ISYNA1: variants seen among roughly 807,000 people sequenced by gnomAD.
The protein encoded by ISYNA1 is MI-1-P synthase.
In ISYNA1, 34 loss-of-function variants were observed where a neutral mutation model predicts 50.3. The ratio of observed to expected loss-of-function variants is 0.68; its 90% confidence interval spans 0.51 to 0.90. The LOEUF (loss-of-function observed/expected upper bound fraction) is 0.90, where lower values mean the gene tolerates loss of function less well. Among genes scored for constraint, ISYNA1 ranks in the 40% least tolerant of loss-of-function variants. The pLI is 0.00. For synonymous variants in ISYNA1, 396 were observed against 349.9 expected, an observed-to-expected ratio of 1.13 and a Z score of -1.47; for missense variants, 718 against 784.8, an observed-to-expected ratio of 0.91 and a Z score of 1.02.
rs768706951 is a variant in ISYNA1 at position 18,437,880 on chromosome 19, G to A, written c.100C>T (p.Arg34Cys). The A allele has an allele frequency of 6.2e-6, 10 of 1,612,002 alleles. No individual in the cohort carries two copies. The highest frequency in any genetic ancestry group is 6.8e-6 in the Non-Finnish European group (8 of 1,179,802). ...TCCACCTTGAGAACGCCACCCTCGC[G>A]GCTGACGCGCGTCGTCCGGTACTCG... ...QYEYRTTRVS[R>C]EGGVLKVHPT... Residue 34 changes from arginine (R) to cysteine (C), a missense_variant, in exon 2 of 11, where the codon CGC (arginine) becomes TGC (cysteine). Around this residue, in one of 3 missense-constraint regions of ISYNA1, gnomAD observed 403 missense variants for 466.6 expected, o/e 0.86. Coordinates refer to ENST00000338128, the MANE Select transcript of ISYNA1 (RefSeq NM_016368.5).
Position 18,435,837 on chromosome 19 carries a change from C to A in ISYNA1, c.1060G>T (p.Val354Leu), listed in dbSNP as rs762538626. ...TCGTCCACCACGTTGCTCTTGGACA[C>A]CTCCTTAGAGCGGAACTGCAATGGC... ...SAPLQFRSKE[V>L]SKSNVVDDMV... is the part of the protein sequence containing the mutation. Residue 354 changes from valine to leucine, a missense_variant, in exon 8 of 11, where the codon GTG becomes TTG. Val to Leu is a conservative substitution (Grantham distance 32, BLOSUM62 1). Coordinates refer to ENST00000338128, the MANE Select transcript of ISYNA1 (RefSeq NM_016368.5). 4 of 1,613,886 alleles carry A rather than the reference C, an allele frequency of 2.5e-6. No homozygotes were observed. In the African/African-American group the frequency reaches 5.3e-5, roughly 22 times the overall value.
chr19:18,435,988 C>T, intron 7 of ISYNA1, 44 bp downstream of exon 7: 2 of 1,612,670 alleles, frequency 1.2e-6, no homozygotes, highest in Non-Finnish European at 1.7e-6. Flanking sequence ...TGCTCGCGGC[C>T]CAGGCCCCCT....
intron 3 of ISYNA1, 92 bp from the exon 4 acceptor site, chr19:18,437,197 C>T: frequency 6.8e-7 from 1 of 1,466,034 alleles, no homozygotes; most frequent in Non-Finnish European, 9.0e-7. Context: ...CAAGCCCCGC[C>T]CCACTTTCGG....
In ISYNA1 at chr19:18,435,373, G is replaced by C. The variant is rs777569552; in HGVS notation, c.1365C>G (p.Pro455=). The C allele has an allele frequency of 1.2e-6, 2 of 1,611,350 alleles. No homozygotes were observed. The highest frequency in any genetic ancestry group is 1.7e-6 in the Non-Finnish European group (2 of 1,179,972). ...AGAGGAAGCTGAGCAGGGACAGCACGGGGTGGAAGGTCTGCGGCTCGGGGT... is the reference window on the plus strand; with the variant it reads ...AGAGGAAGCTGAGCAGGGACAGCACCGGGTGGAAGGTCTGCGGCTCGGGGT... ...DMDPEPQTFH[P]VLSLLSFLFK... is the part of the protein sequence containing the mutation. Residue 455 remains proline, a synonymous_variant, in exon 10 of 11, where the codon CCC becomes CCG. Transcript: ENST00000338128.
chr19:18,437,280 C>A, intron 3 of ISYNA1, 175 bp from the exon 4 acceptor site: 1 of 1,424,510 alleles, frequency 7.0e-7, no homozygotes, highest in South Asian at 1.5e-5. Flanking sequence ...AGACCTCCGG[C>A]ACCTTAAGCT....
rs762311401 is a variant in ISYNA1 at position 18,436,754 on chromosome 19, A to T, written c.539T>A (p.Ile180Asn). Residue 180 changes from isoleucine (I) to asparagine (N), a missense_variant, in exon 5 of 11, where the codon ATC (isoleucine) becomes AAC (asparagine). Coordinates refer to ENST00000338128, the MANE Select transcript of ISYNA1 (RefSeq NM_016368.5). ...EALRPRPSVY[I>N]PEFIAANQSA... ...CTGGTTGGCCGCGATGAATTCGGGG[A>T]TGTAAACAGAAGGCCGGGGCCGCAG... 1.3e-6 allele frequency: 2 copies of T among 1,574,544 alleles called. No homozygotes were observed. Among genetic ancestry groups the T allele is most frequent in the African/African-American group, 2.7e-5 (2 of 73,362 alleles).
At position 18,435,089 on chromosome 19, in the gene ISYNA1, G is replaced by A. The variant is rs1973908205; in HGVS notation, c.1501C>T (p.His501Tyr). ...RACVGLPPQN[H>Y]MLLEHKMERP... ...TCCATTTTGTGTTCCAGGAGCATGT[G>A]GTTCTGTGGCGGGAGCCCCACGCAG... Residue 501 changes from histidine to tyrosine, a missense_variant, in exon 11 of 11, where the codon CAC (histidine) becomes TAC (tyrosine). By Grantham distance (83) the His-to-Tyr change is moderately conservative. Coordinates refer to ENST00000338128, the MANE Select transcript of ISYNA1 (RefSeq NM_016368.5). The A allele has an allele frequency of 1.2e-6, 2 of 1,613,554 alleles. No individual in the cohort carries two copies. The highest frequency in any genetic ancestry group is 2.7e-5 in the African/African-American group (2 of 75,008).
In ISYNA1 at chr19:18,434,727, G is replaced by A. The variant is rs908933486; in HGVS notation, c.*186C>T. Reference sequence around the variant, plus strand: ...GTTGGGGTGATGACCATGGGCAGAGGGGATGGGACTGAAGCTGGGCGCTCA... The same window carrying A: ...GTTGGGGTGATGACCATGGGCAGAGAGGATGGGACTGAAGCTGGGCGCTCA... On this transcript the variant is annotated 3_prime_UTR_variant, in exon 11 of 11. Coordinates refer to ENST00000338128, the MANE Select transcript of ISYNA1 (RefSeq NM_016368.5). The A allele has an allele frequency of 8.2e-6, 5 of 607,600 alleles. No homozygotes were observed. Among genetic ancestry groups the A allele is most frequent in the African/African-American group, 5.6e-5 (3 of 53,970 alleles). 37.6% of individuals were successfully genotyped at this position (607,600 alleles called of 1,614,324 possible).
rs570793925 is a variant in ISYNA1, at chr19:18,435,032, G to C, written c.1558C>G (p.Pro520Ala). 6.2e-7 allele frequency: 1 copy of C among 1,613,600 alleles called. No homozygotes were observed. The change falls in exon 11 of 11, where the codon CCC becomes GCC. Residue 520 changes from proline to alanine, a missense_variant. By Grantham distance (27) the Pro-to-Ala change is conservative. Coordinates refer to ENST00000338128, the MANE Select transcript of ISYNA1 (RefSeq NM_016368.5). ...AACATAGGGTAGGTGGCAGCCACGG[G>C]TCCAACTCGCTTGAGGCTGGGCCCT... ...RPGPSLKRVG[P>A]VAATYPMLNK... is the part of the protein sequence containing the mutation.
rs1383237721 is a variant in ISYNA1, at chr19:18,436,789, G to A, written c.504C>T (p.His168=). 1.9e-6 allele frequency: 3 copies of A among 1,582,544 alleles called. No individual in the cohort carries two copies. The highest frequency in any genetic ancestry group is 2.6e-6 in the Non-Finnish European group (3 of 1,167,728). The change falls in exon 5 of 11, where the codon CAC becomes CAT. Residue 168 remains histidine (H), a synonymous_variant. Coordinates refer to ENST00000338128, the MANE Select transcript of ISYNA1 (RefSeq NM_016368.5). ...AAGGCCGGGGCCGCAGGGCCTCCAT[G>A]TGCGGCCACAGTTGCTCCTGCAGCC... is the stretch of plus-strand genomic sequence containing the variant. ...DWGLQEQLWP[H]MEALRPRPSV...
In ISYNA1 at chr19:18,435,062, G is replaced by T. The variant is rs372353337; in HGVS notation, c.1528C>A (p.Arg510Ser). Residue 510 changes from arginine to serine, a missense_variant, in exon 11 of 11, where the codon CGC (arginine) becomes AGC (serine). Arg to Ser is a moderately radical substitution (Grantham distance 110). This residue lies in a region of ISYNA1 where 305 missense variants were observed against 292.6 expected (regional missense o/e 1.04). Coordinates refer to ENST00000338128, the MANE Select transcript of ISYNA1 (RefSeq NM_016368.5). Reference protein sequence around the residue: ...NHMLLEHKMERPGPSLKRVGP... With the variant: ...NHMLLEHKMESPGPSLKRVGP... ...ACTCGCTTGAGGCTGGGCCCTGGGC[G>T]CTCCATTTTGTGTTCCAGGAGCATG... 8 of 1,613,502 alleles carry T rather than the reference G, an allele frequency of 5.0e-6. No individual in the cohort carries two copies. The highest frequency in any genetic ancestry group is 6.8e-6 in the Non-Finnish European group (8 of 1,180,020).
chr19:18,435,239 G>T, intron 10 of ISYNA1, 27 bp downstream of exon 10: 2 of 1,600,868 alleles, frequency 1.2e-6, no homozygotes, highest in South Asian at 1.1e-5. Context: ...CTGGGCCCCG[G>T]GCGGGAACCT....
Position 18,435,156 on chromosome 19 carries a change from C to G in ISYNA1, c.1473-39G>C, listed in dbSNP as rs778139003. ...ACAGCTTAGCAGAGCCAGACACCCACAGGGAGAAAGGGGGGGTATCCCTGC... is the reference window on the plus strand; with the variant it reads ...ACAGCTTAGCAGAGCCAGACACCCAGAGGGAGAAAGGGGGGGTATCCCTGC... On this transcript the variant is annotated intron_variant, in intron 10 of 10. Coordinates refer to ENST00000338128, the MANE Select transcript of ISYNA1 (RefSeq NM_016368.5). The G allele has an allele frequency of 3.7e-6, 6 of 1,608,152 alleles. No individual in the cohort carries two copies. The Admixed American group carries it at 1.0e-4, about 27-fold the overall frequency.
chr19:18,436,275 G>C, intron 6 of ISYNA1, 28 bp from the exon 7 acceptor site: 3 of 1,608,150 alleles, frequency 1.9e-6, no homozygotes, highest in Non-Finnish European at 2.5e-6. Flanking sequence ...AGTCAGCACA[G>C]AGCTGTGTCT....
rs761294933 is a variant in ISYNA1, at chr19:18,436,885, G to C, written c.416-8C>G. 6.3e-7 allele frequency: 1 copy of C among 1,595,622 alleles called. No homozygotes were observed. ...GCGACGAGATGTCCCAGCCTGGGGGGACCCTCACACTCGGCCCTGCCCGGA... is the reference window on the plus strand; with the variant it reads ...GCGACGAGATGTCCCAGCCTGGGGGCACCCTCACACTCGGCCCTGCCCGGA... On this transcript the variant is annotated splice_region_variant and splice_polypyrimidine_tract_variant and intron_variant, in intron 4 of 10. Coordinates refer to ENST00000338128, the MANE Select transcript of ISYNA1 (RefSeq NM_016368.5).
chr19:18,434,563 GC>G lies in ISYNA1; in HGVS notation c.*349del. On this transcript the variant is annotated 3_prime_UTR_variant, in exon 11 of 11. Transcript: ENST00000338128. Reference sequence around the variant, plus strand: ...TGGAAGCTGGTTTTGGTTTTTGGTAGCTTGTCTCAGATTCCCTCTTTGGCCT... The same window carrying G: ...TGGAAGCTGGTTTTGGTTTTTGGTAGTTGTCTCAGATTCCCTCTTTGGCCT... The G allele has an allele frequency of 1.9e-6, 1 of 525,416 alleles. No homozygotes were observed. Among genetic ancestry groups the G allele is most frequent in the Non-Finnish European group, 3.3e-6 (1 of 301,742 alleles). The allele number at this position is 525,416 out of a possible 1,614,324, so 32.5% of individuals were successfully genotyped here. A position where few individuals can be genotyped will look rare whatever the true frequency, so the allele number is the denominator to read the frequency against.
intron 2 of ISYNA1, 39 bp from the exon 3 acceptor site, chr19:18,437,799 C>T: frequency 3.1e-6 from 5 of 1,603,408 alleles, no homozygotes; most frequent in Non-Finnish European, 4.2e-6. Flanking sequence ...GGTCCCGTGC[C>T]CTTCTCCCCG....
chr19:18,437,562 C>A, intron 3 of ISYNA1, 37 bp downstream of exon 3: 1 of 1,414,996 alleles, frequency 7.1e-7, no homozygotes, highest in Non-Finnish European at 9.2e-7. Context: ...GGACTCCCAC[C>A]AAGCCTCCCT....
rs1428353233 is a variant in ISYNA1, at chr19:18,436,417, T to G, written c.672A>C (p.Ile224=). The change falls in exon 6 of 11, where the codon ATA becomes ATC. Residue 224 remains isoleucine, a synonymous_variant. Transcript: ENST00000338128. ...GCTCCGTGTTCGCCGTCCACAGCACTATGACTTTGTCCAGCCCCGCGCTAG... is the reference window on the plus strand; with the variant it reads ...GCTCCGTGTTCGCCGTCCACAGCACGATGACTTTGTCCAGCCCCGCGCTAG... The part of the protein sequence containing the change: ...FRSSAGLDKV[I]VLWTANTERF... 6.2e-7 allele frequency: 1 copy of G among 1,611,062 alleles called. No individual in the cohort carries two copies. The highest frequency in any genetic ancestry group is 8.5e-7 in the Non-Finnish European group (1 of 1,179,812).
Sources: gnomAD v4.1 joint callset for allele counts on GRCh38, gnomAD v4.1.1 for gene constraint, gnomAD v4.1.1 regional missense constraint, MANE v1.5 for transcripts, NCBI Gene and HGNC (gene_info 2026-07-23, HGNC 2026-07-21) for gene names.